Variants in GOPC observed in about 807,000 individuals in gnomAD.
GOPC encodes Golgi-associated PDZ and coiled-coil motif-containing protein.
Under a neutral mutation model 51.2 loss-of-function variants are expected in GOPC, and 32 were observed. The ratio of observed to expected loss-of-function variants is 0.63; its 90% CI spans 0.47 to 0.84. The LOEUF (loss-of-function observed/expected upper bound fraction) is 0.84, where lower values mean the gene tolerates loss of function less well. Ranked by LOEUF, GOPC falls within the 40% of genes least tolerant of loss-of-function variation. The pLI, the probability that GOPC is intolerant of heterozygous loss-of-function variation, is 0.00. For synonymous variants in GOPC, 190 were observed against 205.1 expected (o/e 0.93, Z 0.63); for missense variants, 441 against 555.5 (o/e 0.79, Z 2.07).
intron 1 of GOPC, among the ~76,000 whole-genome samples, chr6:117,579,801 T>A (rs944046005): frequency 6.6e-6 from 1 of 152,010 alleles, no homozygotes; most frequent in African/African-American, 2.4e-5. Context: ...TCAACATAAT[T>A]TTGCTAAGCA....
intron 8 of GOPC, among the ~76,000 whole-genome samples, chr6:117,565,728 C>T (rs1268817143): frequency 6.6e-6 from 1 of 152,188 alleles, no homozygotes; most frequent in Admixed American, 6.5e-5. Flanking sequence ...CATTTTATCA[C>T]TGGCAATAAA....
rs1362053320 is a variant in GOPC, at chr6:117,570,997, A to C, written c.817-42T>G. The C allele has an allele frequency of 1.4e-5, 14 of 972,044 alleles. No homozygotes were observed. In the East Asian group the frequency reaches 2.9e-4, roughly 20 times the overall value. The allele number at this position is 972,044 out of a possible 1,614,324, so 60.2% of individuals were successfully genotyped here. On this transcript the variant is annotated intron_variant, in intron 5 of 8. Transcript: ENST00000368498. ...AAGAAGAAAAAGTAGTATCATTTAAATAGCATACCAAATAGAGTAAACTCA... is the reference window on the plus strand; with the variant it reads ...AAGAAGAAAAAGTAGTATCATTTAACTAGCATACCAAATAGAGTAAACTCA...
At chr6:117,587,736 T>C (rs1346815137) in intron 1 of GOPC, among the ~76,000 whole-genome samples, 1 of 152,136 alleles carries the variant, frequency 6.6e-6, no homozygotes, top group Non-Finnish European at 1.5e-5. Flanking sequence ...TATGTTGACA[T>C]ACTGAAGGTA....
chr6:117,573,678 A>G, intron 4 of GOPC, 46 bp from the exon 5 acceptor site: 1 of 1,483,496 alleles, frequency 6.7e-7, no homozygotes, highest in Non-Finnish European at 9.1e-7. Context: ...TATATTCACT[A>G]CAGTGAGAAT....
At chr6:117,568,930 T>C (rs1779752045) in intron 7 of GOPC, among the ~76,000 whole-genome samples, 1 of 152,206 alleles carries the variant, frequency 6.6e-6, no homozygotes, top group Non-Finnish European at 1.5e-5. Flanking sequence ...AACATCTCAA[T>C]GTACTACCAA....
chr6:117,581,611 TTGAG>T (rs1489027059), intron 1 of GOPC, among the ~76,000 whole-genome samples: 17 of 152,340 alleles, frequency 1.1e-4, no homozygotes, highest in African/African-American at 3.6e-4. Flanking sequence ...TTTTGAATGT[TTGAG>T]TATGCTTATA....
intron 1 of GOPC, among the ~76,000 whole-genome samples, chr6:117,597,431 A>C (rs985337064): frequency 6.6e-6 from 1 of 152,132 alleles, no homozygotes. Flanking sequence ...CATTGAATAG[A>C]AGTGGTGAAG....
At position 117,602,049 on chromosome 6, in the gene GOPC, A is replaced by C; in HGVS notation, c.240T>G (p.Leu80=). 1.2e-6 allele frequency: 2 copies of C among 1,614,176 alleles called. No individual in the cohort carries two copies. The highest frequency in any genetic ancestry group is 3.3e-5 in the Admixed American group (2 of 60,030). ...GAGACACAGACTGGGCTTTGTGGCA[A>C]AGCTGTGCAAAGCAGGAGCTCAGGC... The part of the protein sequence containing the change: ...MTSLSSCFAQ[L]CHKAQSVSQI... The change falls in exon 1 of 9, where the codon CTT becomes CTG. Residue 80 remains leucine (L), a synonymous_variant. Coordinates refer to ENST00000368498, the MANE Select transcript of GOPC (RefSeq NM_020399.4).
At chr6:117,592,160 A>G (rs1232856968) in intron 1 of GOPC, among the ~76,000 whole-genome samples, 8 of 152,220 alleles carry the variant, frequency 5.3e-5, no homozygotes, top group Non-Finnish European at 1.0e-4. Flanking sequence ...TGAAGTCAGG[A>G]GTTCGAGACG....
chr6:117,574,977 G>GTACTCCTA (rs1248749760), intron 4 of GOPC, among the ~76,000 whole-genome samples, 200 bp downstream of exon 4: 4 of 152,122 alleles, frequency 2.6e-5, no homozygotes, highest in Non-Finnish European at 4.4e-5. Flanking sequence ...TACTCAGGAG[G>GTACTCCTA]CTGAGGTAGG....
intron 1 of GOPC, among the ~76,000 whole-genome samples, chr6:117,586,475 C>CTTTTTTTTTTTTTTTT: frequency 1.1e-5 from 1 of 91,930 alleles, no homozygotes; most frequent in Non-Finnish European, 2.1e-5. Context: ...CACAGAGATT[C>CTTTTTTTTTTTTTTTT]TTTTTTTTTT....
At chr6:117,566,353 TAG>T (rs1193869811) in intron 8 of GOPC, among the ~76,000 whole-genome samples, 1 of 152,178 alleles carries the variant, frequency 6.6e-6, no homozygotes, top group Non-Finnish European at 1.5e-5. Context: ...AAGGAAGTGC[TAG>T]AGTTTTTCCT....
intron 1 of GOPC, among the ~76,000 whole-genome samples, chr6:117,581,823 A>T (rs1315299577): frequency 6.6e-6 from 1 of 152,210 alleles, no homozygotes; most frequent in Non-Finnish European, 1.5e-5. Flanking sequence ...TGATGTTGCT[A>T]TGAATCTATC....
chr6:117,571,399 C>T (rs1234828115), intron 5 of GOPC, among the ~76,000 whole-genome samples: 1 of 152,044 alleles, frequency 6.6e-6, no homozygotes, highest in Non-Finnish European at 1.5e-5. Context: ...TGGAGTCTAC[C>T]TCTTAAATAA....
At chr6:117,582,833 G>T (rs1382350435) in intron 1 of GOPC, among the ~76,000 whole-genome samples, 1 of 151,362 alleles carries the variant, frequency 6.6e-6, no homozygotes, top group African/African-American at 2.4e-5. Context: ...TTCTTCGTGG[G>T]CACCAGACAA....
At chr6:117,575,405 C>A in intron 3 of GOPC, 53 bp from the exon 4 acceptor site, 1 of 1,302,858 alleles carries the variant, frequency 7.7e-7, no homozygotes, top group Admixed American at 1.8e-5. Flanking sequence ...CTCTTTAGCA[C>A]TAGACCATGT....
chr6:117,587,149 G>A (rs1338110054), intron 1 of GOPC, among the ~76,000 whole-genome samples: 1 of 152,148 alleles, frequency 6.6e-6, no homozygotes, highest in Non-Finnish European at 1.5e-5. Flanking sequence ...GTCTATGAAA[G>A]TTCTGTGAGA....
chr6:117,565,381 A>T (rs1029498552), intron 8 of GOPC, among the ~76,000 whole-genome samples: 13 of 152,316 alleles, frequency 8.5e-5, no homozygotes, highest in African/African-American at 2.6e-4. Context: ...TTGTTCTCTG[A>T]TATTATACAA....
At chr6:117,599,205 G>C (rs558165901) in intron 1 of GOPC, among the ~76,000 whole-genome samples, 30 of 152,160 alleles carry the variant, frequency 2.0e-4, no homozygotes, top group African/African-American at 5.8e-4. Flanking sequence ...TTTTATTACA[G>C]TAATATGATT....
Sources: allele counts gnomAD v4.1 joint callset (sites outside exome capture counted in the v4.1 genomes callset), GRCh38; gene constraint gnomAD v4.1.1; transcripts MANE v1.5; gene names NCBI Gene and HGNC (gene_info 2026-07-23, HGNC 2026-07-21).